ZC2HC1B: variants seen among roughly 807,000 people sequenced by gnomAD.
ZC2HC1B encodes the protein zinc finger C2HC domain-containing protein 1B.
In ZC2HC1B, 36 loss-of-function variants were observed where a neutral mutation model predicts 31.0. The observed-to-expected ratio is 1.16, with a 90% CI of 0.89 to 1.54. The LOEUF (loss-of-function observed/expected upper bound fraction) is 1.54, where lower values mean the gene tolerates loss of function less well. Among genes scored for constraint, ZC2HC1B ranks in the 40% most tolerant of loss-of-function variants. ZC2HC1B has a pLI of 0.00. For missense variants in ZC2HC1B, 260 were observed against 268.6 expected (o/e 0.97, Z 0.22); for synonymous variants, 73 against 88.0 (o/e 0.83, Z 0.95).
At chr6:143,925,079 A>G (rs570705885) in intron 6 of ZC2HC1B, among the ~76,000 whole-genome samples, 24 of 151,944 alleles carry the variant, frequency 1.6e-4, no homozygotes, top group Non-Finnish European at 3.2e-4. Context: ...TTTTCTTTAC[A>G]AGTTTGATAG....
intron 6 of ZC2HC1B, among the ~76,000 whole-genome samples, chr6:143,907,089 C>T (rs994943126): frequency 2.0e-5 from 3 of 152,148 alleles, no homozygotes; most frequent in South Asian, 2.1e-4. Context: ...GCTCCATCCA[C>T]GTCCCTGCAA....
At chr6:143,874,811 T>C (rs1240211206) in intron 1 of ZC2HC1B, among the ~76,000 whole-genome samples, 1 of 152,122 alleles carries the variant, frequency 6.6e-6, no homozygotes, top group Non-Finnish European at 1.5e-5. Context: ...CCAAATCATA[T>C]CAATTTATTT....
At position 143,885,432 on chromosome 6, in the gene ZC2HC1B, C is replaced by A. The variant is rs1199314625; in HGVS notation, c.91-600C>A. The stretch of plus-strand genomic sequence containing the variant: ...TCTTGGATACTTTTGAGTTTCATTT[C>A]CTAAGCCTATTTCTAGGCTATGGAG... On this transcript the variant is annotated intron_variant, in intron 2 of 7. Transcript: ENST00000237275. The surrounding 1 kb of genome is among the most constrained non-coding windows in gnomAD (Gnocchi z 4.2). 6.6e-6 allele frequency among the ~76,000 whole-genome samples: 1 copy of A among 152,156 alleles called. No homozygotes were observed. The highest frequency in any genetic ancestry group is 6.5e-5 in the Admixed American group (1 of 15,272).
Position 143,911,817 on chromosome 6 carries a change from C to T in ZC2HC1B, c.598+8665C>T, listed in dbSNP as rs963669029. 1.3e-5 allele frequency among the ~76,000 whole-genome samples: 2 copies of T among 152,168 alleles called. No homozygotes were observed. The highest frequency in any genetic ancestry group is 4.8e-5 in the African/African-American group (2 of 41,448). On this transcript the variant is annotated intron_variant, in intron 6 of 7. Coordinates refer to ENST00000237275, the MANE Select transcript of ZC2HC1B (RefSeq NM_001013623.3). This position sits in a 1 kb window ranked among gnomAD's most constrained non-coding sequence, Gnocchi z 4.5. ...TTCCTGAATTTGAATATTGGCCTGT[C>T]ATGCTAGGTTGGGGAAGTGCTGGAT...
At position 143,878,174 on chromosome 6, in the gene ZC2HC1B, C is replaced by T. The variant is rs111704093; in HGVS notation, c.29-6130C>T. On this transcript the variant is annotated intron_variant, in intron 1 of 7. Coordinates refer to ENST00000237275, the MANE Select transcript of ZC2HC1B (RefSeq NM_001013623.3). ...GTGATAAAAAAGTTGAGTCATTCAG[C>T]ACATTTTCCCAGTTGAGGGTGAACA... Among the ~76,000 whole-genome samples the T allele has an allele frequency of 6.9e-4, 104 of 151,054 alleles. 6 individuals are homozygous for T. The highest frequency in any genetic ancestry group is 2.4e-3 in the African/African-American group (100 of 41,024).
chr6:143,908,291 A>AT lies in ZC2HC1B; in HGVS notation c.598+5139_598+5140insT, dbSNP rs1309265092. On this transcript the variant is annotated intron_variant, in intron 6 of 7. Coordinates refer to ENST00000237275, the MANE Select transcript of ZC2HC1B (RefSeq NM_001013623.3). This position sits in a 1 kb window ranked among gnomAD's most constrained non-coding sequence, Gnocchi z 4.4. The stretch of plus-strand genomic sequence containing the variant: ...TTTGATTTCATATGAATTTTAAAAT[A>AT]GTTTTTTCTAATTCTGTGAAGAATG... 9.6e-6 allele frequency among the ~76,000 whole-genome samples: 1 copy of AT among 104,392 alleles called. No individual in the cohort carries two copies. Among genetic ancestry groups the AT allele is most frequent in the African/African-American group, 3.8e-5 (1 of 26,118 alleles). 68.5% of individuals were successfully genotyped at this position (104,392 alleles called of 152,430 possible). A position where few individuals can be genotyped will look rare whatever the true frequency, so the allele number is the denominator to read the frequency against.
chr6:143,921,346 G>A lies in ZC2HC1B; in HGVS notation c.599-16303G>A, dbSNP rs1216927568. ...CGTCTCTCATGTACCAAAAAGAAAT[G>A]GAATATAAGTTTCAAGAAAGGGGAA... is the stretch of plus-strand genomic sequence containing the variant. On this transcript the variant is annotated intron_variant, in intron 6 of 7. Coordinates refer to ENST00000237275, the MANE Select transcript of ZC2HC1B (RefSeq NM_001013623.3). The surrounding 1 kb of genome is among the most constrained non-coding windows in gnomAD (Gnocchi z 6.1). Among the ~76,000 whole-genome samples, 3 of 152,086 alleles carry A rather than the reference G, an allele frequency of 2.0e-5. No homozygotes were observed. The highest frequency in any genetic ancestry group is 2.9e-5 in the Non-Finnish European group (2 of 67,998).
At chr6:143,874,595 A>G (rs1051487065) in intron 1 of ZC2HC1B, among the ~76,000 whole-genome samples, 2 of 152,192 alleles carry the variant, frequency 1.3e-5, no homozygotes, top group African/African-American at 4.8e-5. Context: ...CATTTCTTAC[A>G]TGGTGGCAGC....
intron 1 of ZC2HC1B, among the ~76,000 whole-genome samples, chr6:143,875,547 C>T (rs912207116): frequency 6.6e-6 from 1 of 150,832 alleles, no homozygotes; most frequent in Admixed American, 6.6e-5. Context: ...CCCGATCCAA[C>T]TCTATGTTCC....
Position 143,886,299 on chromosome 6 carries a change from C to T in ZC2HC1B, c.210+148C>T, listed in dbSNP as rs985646549. 1.0e-6 allele frequency: 1 copy of T among 983,806 alleles called. No individual in the cohort carries two copies. Among genetic ancestry groups the T allele is most frequent in the Non-Finnish European group, 1.3e-6 (1 of 748,234 alleles). 60.9% of individuals were successfully genotyped at this position (983,806 alleles called of 1,614,324 possible). A position where few individuals can be genotyped will look rare whatever the true frequency, so the allele number is the denominator to read the frequency against. ...CTTTACTTTTTTCTTTATAATCTTG[C>T]TCACTTAGATTTCCAGATATACTTC... On this transcript the variant is annotated intron_variant, in intron 3 of 7. Transcript: ENST00000237275. The surrounding 1 kb of genome is among the most constrained non-coding windows in gnomAD (Gnocchi z 4.2).
chr6:143,937,517 C>A, intron 6 of ZC2HC1B, 132 bp from the exon 7 acceptor site: 5 of 471,966 alleles, frequency 1.1e-5, no homozygotes, highest in Non-Finnish European at 1.7e-5. Flanking sequence ...CCCCACCACA[C>A]TCCCCCACCT....
At chr6:143,936,888 A>G (rs1235223208) in intron 6 of ZC2HC1B, among the ~76,000 whole-genome samples, 1 of 152,208 alleles carries the variant, frequency 6.6e-6, no homozygotes, top group Admixed American at 6.5e-5. Context: ...GCAGAAGTAA[A>G]ACCAGTTTAT....
rs143481995 is a variant in ZC2HC1B at position 143,933,965 on chromosome 6, G to A, written c.599-3684G>A. Among the ~76,000 whole-genome samples the A allele has an allele frequency of 2.2e-3, 333 of 152,280 alleles. No homozygotes were observed. Among genetic ancestry groups the A allele is most frequent in the African/African-American group, 7.8e-3 (324 of 41,550 alleles). On this transcript the variant is annotated intron_variant, in intron 6 of 7. Transcript: ENST00000237275. This position sits in a 1 kb window ranked among gnomAD's most constrained non-coding sequence, Gnocchi z 6.4. The stretch of plus-strand genomic sequence containing the variant: ...TCAAATTCTGCCAGTTGCCTTCCCC[G>A]AGGGCTCTTGTGAGATAGAGTCAGG...
At chr6:143,882,906 G>T (rs776072655) in intron 1 of ZC2HC1B, among the ~76,000 whole-genome samples, 12 of 151,960 alleles carry the variant, frequency 7.9e-5, no homozygotes, top group Non-Finnish European at 1.3e-4. Context: ...GCCTCTAAAC[G>T]TAGAATAGTC....
In ZC2HC1B at chr6:143,886,298, GCTCA is replaced by G; in HGVS notation, c.210+150_210+153del. On this transcript the variant is annotated intron_variant, in intron 3 of 7. Transcript: ENST00000237275. The surrounding 1 kb of genome is among the most constrained non-coding windows in gnomAD (Gnocchi z 4.2). The stretch of plus-strand genomic sequence containing the variant: ...CCTTTACTTTTTTCTTTATAATCTT[GCTCA>G]CTTAGATTTCCAGATATACTTCAGA... 1.0e-6 allele frequency: 1 copy of G among 988,142 alleles called. No individual in the cohort carries two copies. 61.2% of individuals were successfully genotyped at this position (988,142 alleles called of 1,614,324 possible).
At chr6:143,877,972 C>T (rs1777426934) in intron 1 of ZC2HC1B, among the ~76,000 whole-genome samples, 2 of 150,730 alleles carry the variant, frequency 1.3e-5, no homozygotes, top group Non-Finnish European at 3.0e-5. Context: ...TGAAATTAAT[C>T]ACTAGATTGT....
In ZC2HC1B at chr6:143,933,056, A is replaced by G. The variant is rs905406646; in HGVS notation, c.599-4593A>G. 6.6e-6 allele frequency among the ~76,000 whole-genome samples: 1 copy of G among 152,210 alleles called. No homozygotes were observed. The highest frequency in any genetic ancestry group is 1.5e-5 in the Non-Finnish European group (1 of 68,008). ...TTCTGATGGAGGTGGCAGGGGAGTC[A>G]GGTAGACTCTGTGAGAGTCCTTGGT... On this transcript the variant is annotated intron_variant, in intron 6 of 7. Transcript: ENST00000237275. The surrounding 1 kb of genome is among the most constrained non-coding windows in gnomAD (Gnocchi z 6.4).
chr6:143,868,003 G>A lies in ZC2HC1B; in HGVS notation c.28+3436G>A, dbSNP rs1265600194. ...TGGAAATATATTCTACTCTTATGTT[G>A]GATTGACAGCTTGACTGAATATAGA... On this transcript the variant is annotated intron_variant, in intron 1 of 7. Transcript: ENST00000237275. The surrounding 1 kb of genome is among the most constrained non-coding windows in gnomAD (Gnocchi z 4.2). 6.6e-6 allele frequency among the ~76,000 whole-genome samples: 1 copy of A among 152,082 alleles called. No individual in the cohort carries two copies. Among genetic ancestry groups the A allele is most frequent in the Admixed American group, 6.6e-5 (1 of 15,264 alleles).
At chr6:143,910,410 G>GC (rs1292439481) in intron 6 of ZC2HC1B, among the ~76,000 whole-genome samples, 1 of 152,212 alleles carries the variant, frequency 6.6e-6, no homozygotes, top group Admixed American at 6.5e-5. Context: ...AGAGTTAAGT[G>GC]CCATGTGGCA....
Sources: allele counts gnomAD v4.1 joint callset (sites outside exome capture counted in the v4.1 genomes callset), GRCh38; gene constraint gnomAD v4.1.1; non-coding constraint Gnocchi (gnomAD v3.1); transcripts MANE v1.5; gene names NCBI Gene and HGNC (gene_info 2026-07-23, HGNC 2026-07-21).